Variants in DENND1A observed in about 807,000 individuals in gnomAD.
The protein encoded by DENND1A is DENN domain containing 1A.
Under a neutral mutation model 113.7 loss-of-function variants are expected in DENND1A, and 51 were observed. The ratio of observed to expected loss-of-function variants is 0.45; its 90% CI spans 0.36 to 0.57. DENND1A has a LOEUF of 0.57. DENND1A is among the 20% of genes least tolerant of loss of function. DENND1A has a pLI of 0.00. For missense variants in DENND1A, 1,258 were observed against 1,395.9 expected, an observed-to-expected ratio of 0.90 and a Z score of 1.57; for synonymous variants, 565 against 570.8, an observed-to-expected ratio of 0.99 and a Z score of 0.14.
Position 123,458,807 on chromosome 9 carries a change from C to T in DENND1A, c.994-910G>A, listed in dbSNP as rs978731662. On this transcript the variant is annotated intron_variant, in intron 13 of 23. Transcript: ENST00000394215. ...AGAAACCCCGTCTCTACTGAAAATA[C>T]AAAATTAGCCGGGTGTGGTGGTGCA... is the stretch of plus-strand genomic sequence containing the variant. 5.3e-5 allele frequency among the ~76,000 whole-genome samples: 8 copies of T among 152,132 alleles called. No individual in the cohort carries two copies. The East Asian group carries it at 1.5e-3, about 29-fold the overall frequency.
intron 9 of DENND1A, among the ~76,000 whole-genome samples, chr9:123,636,322 T>C (rs1193820185): frequency 7.7e-6 from 1 of 129,042 alleles, no homozygotes; most frequent in African/African-American, 2.8e-5. Flanking sequence ...CTGATTCCTC[T>C]TTTTTTTTTT....
rs183303841 is a variant in DENND1A, at chr9:123,759,012, A to C, written c.183-1190T>G. 9.8e-3 allele frequency among the ~76,000 whole-genome samples: 1,499 copies of C among 152,262 alleles called. 19 individuals are homozygous for C. Among genetic ancestry groups the C allele is most frequent in the African/African-American group, 0.034 (1,420 of 41,550 alleles). The stretch of plus-strand genomic sequence containing the variant: ...GAGACGGGGTTTCTCCATGTTAGCC[A>C]GGATGGTCTTGATCTCCTGACCTCG... On this transcript the variant is annotated intron_variant, in intron 4 of 23. Transcript: ENST00000394215.
intron 5 of DENND1A, among the ~76,000 whole-genome samples, chr9:123,733,522 A>G (rs1478131352): frequency 6.6e-6 from 1 of 150,536 alleles, no homozygotes; most frequent in Non-Finnish European, 1.5e-5. Context: ...CCTGGCCTCA[A>G]GCGATCCTCC....
chr9:123,402,682 C>T (rs567259775), intron 21 of DENND1A: 12 of 519,514 alleles, frequency 2.3e-5, no homozygotes, highest in Non-Finnish European at 4.4e-5. Context: ...GCTCCTTTTG[C>T]GGACAAAGGG....
intron 5 of DENND1A, among the ~76,000 whole-genome samples, chr9:123,744,770 C>CTTTTTTTTTT (rs57945475): frequency 1.9e-5 from 2 of 102,732 alleles, no homozygotes; most frequent in African/African-American, 3.7e-5. Context: ...TATATTAGCT[C>CTTTTTTTTTT]TTTTTTTTTT....
At chr9:123,757,971 C>T in intron 4 of DENND1A, 149 bp from the exon 5 acceptor site, 1 of 594,230 alleles carries the variant, frequency 1.7e-6, no homozygotes. Context: ...AGACTGTAAG[C>T]TAGTTAAAAA....
intron 13 of DENND1A, among the ~76,000 whole-genome samples, chr9:123,539,000 C>T (rs900762126): frequency 4.0e-5 from 6 of 151,306 alleles, no homozygotes; most frequent in Non-Finnish European, 1.5e-5. Flanking sequence ...AACGCTAACA[C>T]TGAGTAAATA....
intron 5 of DENND1A, among the ~76,000 whole-genome samples, chr9:123,701,767 C>T (rs1162573061): frequency 1.3e-5 from 2 of 152,206 alleles, no homozygotes; most frequent in Middle Eastern, 3.2e-3. Flanking sequence ...CTACAGCAAT[C>T]TGAGGATTAG....
At chr9:123,892,043 A>G (rs1250798880) in intron 1 of DENND1A, among the ~76,000 whole-genome samples, 1 of 152,232 alleles carries the variant, frequency 6.6e-6, no homozygotes. Flanking sequence ...TTTGCAGCAC[A>G]GAGTGCTGGA....
At chr9:123,914,392 T>C (rs1333260338) in intron 1 of DENND1A, among the ~76,000 whole-genome samples, 1 of 151,006 alleles carries the variant, frequency 6.6e-6, no homozygotes, top group Admixed American at 6.6e-5. Context: ...CAAAAAAAAA[T>C]TAGCCGAGCA....
intron 1 of DENND1A, among the ~76,000 whole-genome samples, chr9:123,902,172 CAT>C (rs1417341808): frequency 1.2e-3 from 150 of 123,298 alleles, no homozygotes; most frequent in African/African-American, 4.5e-3. Context: ...CACACACACA[CAT>C]ACACACACAC....
At chr9:123,813,281 T>C (rs1461117015) in intron 2 of DENND1A, among the ~76,000 whole-genome samples, 3 of 152,190 alleles carry the variant, frequency 2.0e-5, no homozygotes, top group Non-Finnish European at 1.5e-5. Flanking sequence ...CTTTTTTACA[T>C]CTTAGTCAAG....
At chr9:123,403,903 C>A (rs1277386537) in intron 20 of DENND1A, among the ~76,000 whole-genome samples, 5 of 152,190 alleles carry the variant, frequency 3.3e-5, no homozygotes, top group Non-Finnish European at 2.9e-5. Flanking sequence ...AAAGGTTGCG[C>A]TTACACTTGT....
intron 13 of DENND1A, among the ~76,000 whole-genome samples, chr9:123,480,199 C>G (rs2050221484): frequency 6.6e-6 from 1 of 152,192 alleles, no homozygotes; most frequent in Non-Finnish European, 1.5e-5. Flanking sequence ...GCAATTGCCT[C>G]CTCCCAGGGC....
intron 2 of DENND1A, among the ~76,000 whole-genome samples, chr9:123,806,120 AT>A (rs1835514899): frequency 6.6e-6 from 1 of 151,428 alleles, no homozygotes; most frequent in Admixed American, 6.6e-5. Flanking sequence ...TGCCTGGCTA[AT>A]TTTTGTATTT....
chr9:123,694,495 G>C (rs1312500290), intron 5 of DENND1A, among the ~76,000 whole-genome samples: 2 of 152,174 alleles, frequency 1.3e-5, no homozygotes, highest in Non-Finnish European at 2.9e-5. Context: ...CATCTGCATA[G>C]CCTAAAGGAC....
chr9:123,384,296 G>T (rs1339170839), intron 22 of DENND1A, among the ~76,000 whole-genome samples: 3 of 152,240 alleles, frequency 2.0e-5, no homozygotes, highest in Non-Finnish European at 4.4e-5. Context: ...TCTTGCTCCC[G>T]CCCTGCTCTG....
chr9:123,477,920 ATGAAT>A (rs1291874177), intron 13 of DENND1A, among the ~76,000 whole-genome samples: 1 of 152,144 alleles, frequency 6.6e-6, no homozygotes, highest in Non-Finnish European at 1.5e-5. Context: ...ACGTGAACAC[ATGAAT>A]TGAGATGATG....
At chr9:123,814,287 T>G (rs912150077) in intron 2 of DENND1A, among the ~76,000 whole-genome samples, 7 of 152,082 alleles carry the variant, frequency 4.6e-5, no homozygotes, top group Non-Finnish European at 8.8e-5. Context: ...TAAAAGCAAA[T>G]GTTAATTTAA....
Sources: gnomAD v4.1 joint callset for allele counts (sites outside exome capture counted in the v4.1 genomes callset) on GRCh38, gnomAD v4.1.1 for gene constraint, MANE v1.5 for transcripts, NCBI Gene and HGNC (gene_info 2026-07-23, HGNC 2026-07-21) for gene names.